Variants in MEI4 observed in about 807,000 individuals in gnomAD.
MEI4 encodes the protein meiotic double-stranded break formation protein 4, also known as meiosis-specific protein MEI4.
A neutral mutation model predicts 31.4 loss-of-function variants in MEI4; 27 were observed. The observed-to-expected ratio is 0.86, with a 90% CI of 0.63 to 1.19. The LOEUF (loss-of-function observed/expected upper bound fraction) is 1.19. Among genes scored for constraint, MEI4 ranks in the 50% most tolerant of loss-of-function variants. MEI4 has a pLI of 0.00. For missense variants in MEI4, 329 were observed against 398.9 expected, an observed-to-expected ratio of 0.82 and a Z score of 1.49; for synonymous variants, 122 against 145.4, an observed-to-expected ratio of 0.84 and a Z score of 1.16.
rs570668748 is a variant in MEI4, at chr6:77,664,760, A to G, written c.-15+11668A>G. On this transcript the variant is annotated intron_variant, in intron 1 of 4. Transcript: ENST00000684080. ...TAGGAAGGGACTGATGTGTTAAAGA[A>G]TGCCTGGACATCAGGCACCTCAGAC... Among the ~76,000 whole-genome samples the G allele has an allele frequency of 1.4e-4, 22 of 152,232 alleles. No homozygotes were observed. In the South Asian group the frequency reaches 4.4e-3, roughly 30 times the overall value.
chr6:77,852,919 G>T (rs141168832), intron 4 of MEI4, among the ~76,000 whole-genome samples: 46 of 152,210 alleles, frequency 3.0e-4, no homozygotes, highest in African/African-American at 1.1e-3. Context: ...AGATTAGGCC[G>T]GGTGTGGTGG....
intron 3 of MEI4, among the ~76,000 whole-genome samples, chr6:77,814,201 A>T (rs1264986651): frequency 2.0e-5 from 3 of 152,122 alleles, no homozygotes; most frequent in Admixed American, 2.0e-4. Flanking sequence ...GTTTCGGCTT[A>T]TGCTGCATGA....
At chr6:77,764,934 C>G (rs113971496) in intron 3 of MEI4, among the ~76,000 whole-genome samples, 1 of 151,996 alleles carries the variant, frequency 6.6e-6, no homozygotes, top group Admixed American at 6.6e-5. Context: ...CAGAATTTAC[C>G]GAAACCTATG....
chr6:77,696,886 A>G (rs1240060617), intron 2 of MEI4, among the ~76,000 whole-genome samples: 2 of 152,298 alleles, frequency 1.3e-5, no homozygotes, highest in Non-Finnish European at 2.9e-5. Context: ...CTGTGAATCC[A>G]TCTGGTCCTG....
intron 3 of MEI4, among the ~76,000 whole-genome samples, chr6:77,821,831 G>T (rs1252985983): frequency 5.5e-5 from 8 of 145,280 alleles, no homozygotes; most frequent in East Asian, 2.0e-4. Flanking sequence ...AAATCGTGCT[G>T]CTTACTGGTA....
intron 3 of MEI4, among the ~76,000 whole-genome samples, chr6:77,826,645 AG>A (rs1562003756): frequency 6.6e-6 from 1 of 152,210 alleles, no homozygotes; most frequent in East Asian, 1.9e-4. Flanking sequence ...TACATACTAT[AG>A]CAACTTGTTT....
At chr6:77,817,009 T>TTG (rs1340850400) in intron 3 of MEI4, among the ~76,000 whole-genome samples, 342 of 151,374 alleles carry the variant, frequency 2.3e-3, no homozygotes, top group African/African-American at 7.5e-3. Context: ...GATGACACTA[T>TTG]TGTGTGTGTG....
chr6:77,802,022 C>T (rs1427221908), intron 3 of MEI4, among the ~76,000 whole-genome samples: 2 of 152,024 alleles, frequency 1.3e-5, no homozygotes, highest in African/African-American at 4.8e-5. Flanking sequence ...TCCTGGATAT[C>T]CTTGTTAACT....
intron 4 of MEI4, among the ~76,000 whole-genome samples, chr6:77,868,511 A>ATG (rs1771111303): frequency 8.0e-6 from 1 of 124,394 alleles, no homozygotes; most frequent in African/African-American, 3.2e-5. Context: ...ACATATATAT[A>ATG]TATATATATA....
intron 3 of MEI4, among the ~76,000 whole-genome samples, chr6:77,798,713 G>A (rs1241578564): frequency 7.2e-6 from 1 of 139,572 alleles, no homozygotes; most frequent in Non-Finnish European, 1.5e-5. Context: ...TCATTGTTCA[G>A]TTCCCACCTA....
intron 4 of MEI4, among the ~76,000 whole-genome samples, chr6:77,857,253 A>G (rs891242877): frequency 2.0e-5 from 3 of 152,188 alleles, no homozygotes; most frequent in Non-Finnish European, 2.9e-5. Context: ...AAAGATCTAG[A>G]GAGGAGAATG....
chr6:77,697,528 A>G lies in MEI4; in HGVS notation c.232+6625A>G, dbSNP rs553509451. 5.9e-5 allele frequency among the ~76,000 whole-genome samples: 9 copies of G among 152,308 alleles called. No individual in the cohort carries two copies. The East Asian group carries it at 1.5e-3, about 26-fold the overall frequency. On this transcript the variant is annotated intron_variant, in intron 2 of 4. Transcript: ENST00000684080. Reference sequence around the variant, plus strand: ...TCTCCCTTCATTTCGTTATGTACCCAGTAGTCATTCAGAAGCATGTTGTTC... The same window carrying G: ...TCTCCCTTCATTTCGTTATGTACCCGGTAGTCATTCAGAAGCATGTTGTTC...
intron 3 of MEI4, among the ~76,000 whole-genome samples, chr6:77,769,488 C>T (rs1024618555): frequency 2.0e-5 from 3 of 152,136 alleles, no homozygotes; most frequent in African/African-American, 7.2e-5. Context: ...AGCCAGGGAA[C>T]TTGGAGTGCA....
At chr6:77,808,964 T>C (rs1340279305) in intron 3 of MEI4, among the ~76,000 whole-genome samples, 1 of 152,132 alleles carries the variant, frequency 6.6e-6, no homozygotes, top group Non-Finnish European at 1.5e-5. Context: ...GTGACGTGGC[T>C]CTCTGCAAAT....
intron 4 of MEI4, among the ~76,000 whole-genome samples, chr6:77,873,863 T>A (rs1352711548): frequency 6.6e-6 from 1 of 152,218 alleles, no homozygotes; most frequent in Non-Finnish European, 1.5e-5. Flanking sequence ...AAATAGGGAA[T>A]CCCTTCCCCA....
chr6:77,836,563 G>T (rs1285639099), intron 4 of MEI4, among the ~76,000 whole-genome samples: 1 of 151,974 alleles, frequency 6.6e-6, no homozygotes, highest in African/African-American at 2.4e-5. Context: ...AATAGAACAT[G>T]CAAATTAAAT....
At chr6:77,918,237 A>C (rs1293080874) in intron 4 of MEI4, among the ~76,000 whole-genome samples, 37 of 151,640 alleles carry the variant, frequency 2.4e-4, no homozygotes, top group Admixed American at 1.4e-3. Flanking sequence ...CTTAGGATTG[A>C]CTTGGCGATG....
rs181137946 is a variant in MEI4, at chr6:77,901,575, A to G, written c.901-21514A>G. On this transcript the variant is annotated intron_variant, in intron 4 of 4. Transcript: ENST00000684080. ...TAATCAGGCTGTTTATTTTTTTACT[A>G]TTGAATTGTTTGACTTTCTTATATA... Among the ~76,000 whole-genome samples, 281 of 151,984 alleles carry G rather than the reference A, an allele frequency of 1.8e-3. 2 individuals carry two copies. Among genetic ancestry groups the G allele is most frequent in the South Asian group, 0.013 (64 of 4,814 alleles).
rs1766807369 is a variant in MEI4, at chr6:77,924,814, GAA to G, written c.*1471_*1472del. On this transcript the variant is annotated 3_prime_UTR_variant, in exon 5 of 5. Transcript: ENST00000684080. ...AGTACATCAAATGGTCAAGCCCAAA[GAA>G]AAGTGACTGACAGGGGAGTAGACTT... 6.6e-6 allele frequency: 1 copy of G among 151,862 alleles called. No homozygotes were observed. The highest frequency in any genetic ancestry group is 1.5e-5 in the Non-Finnish European group (1 of 67,916). 9.4% of individuals were successfully genotyped at this position (151,862 alleles called of 1,614,324 possible).
Sources: gnomAD v4.1 joint callset for allele counts (sites outside exome capture counted in the v4.1 genomes callset) on GRCh38, gnomAD v4.1.1 for gene constraint, MANE v1.5 for transcripts, NCBI Gene and HGNC (gene_info 2026-07-23, HGNC 2026-07-21) for gene names.